The following EFCAB3 variants were observed in gnomAD, a reference collection of about 807,000 sequenced individuals.
The protein encoded by EFCAB3 is EF-hand calcium-binding domain-containing protein 3.
EFCAB3 carries 36 observed loss-of-function variants against 42.2 expected under a neutral mutation model. The observed-to-expected ratio is 0.85, with a 90% CI of 0.65 to 1.13. The LOEUF (loss-of-function observed/expected upper bound fraction) is 1.13, where lower values mean the gene tolerates loss of function less well. Among genes scored for constraint, EFCAB3 ranks in the 50% most tolerant of loss-of-function variants. The pLI is 0.00. For synonymous variants in EFCAB3, 170 were observed against 172.8 expected (o/e 0.98, Z 0.13); for missense variants, 418 against 505.1 (o/e 0.83, Z 1.65).
At chr17:62,371,291 A>T (rs1235206071) in intron 1 of EFCAB3, among the ~76,000 whole-genome samples, 1 of 152,130 alleles carries the variant, frequency 6.6e-6, no homozygotes, top group African/African-American at 2.4e-5. Context: ...GCGGTGGCTC[A>T]CACCCGTAAT....
intron 8 of EFCAB3, among the ~76,000 whole-genome samples, chr17:62,408,278 A>G (rs1388428948): frequency 6.6e-6 from 1 of 152,190 alleles, no homozygotes; most frequent in South Asian, 2.1e-4. Flanking sequence ...CAAATACTTT[A>G]TTTCCTGAGA....
At chr17:62,388,666 C>T (rs890169536) in intron 3 of EFCAB3, among the ~76,000 whole-genome samples, 1 of 152,188 alleles carries the variant, frequency 6.6e-6, no homozygotes. Context: ...GATAGCAAAA[C>T]ATCAAATATG....
At chr17:62,394,108 C>A (rs2070328551) in intron 5 of EFCAB3, among the ~76,000 whole-genome samples, 1 of 152,120 alleles carries the variant, frequency 6.6e-6, no homozygotes, top group African/African-American at 2.4e-5. Flanking sequence ...CGCCCGCCAC[C>A]ATGCCCGGCT....
intron 9 of EFCAB3, among the ~76,000 whole-genome samples, chr17:62,414,941 T>C (rs2070532160): frequency 6.6e-6 from 1 of 151,770 alleles, no homozygotes; most frequent in South Asian, 2.1e-4. Context: ...CCGTCTCTAC[T>C]AAAAATACAA....
intron 6 of EFCAB3, among the ~76,000 whole-genome samples, chr17:62,401,996 G>A (rs1449783827): frequency 6.6e-6 from 1 of 152,076 alleles, no homozygotes; most frequent in Non-Finnish European, 1.5e-5. Flanking sequence ...CCTTGAAGAG[G>A]TCCTTCACAT....
chr17:62,372,773 C>T (rs2070123138), intron 1 of EFCAB3, among the ~76,000 whole-genome samples: 1 of 152,182 alleles, frequency 6.6e-6, no homozygotes, highest in South Asian at 2.1e-4. Context: ...ACCTTCATGA[C>T]TCTTTCCTAT....
At chr17:62,388,008 G>C (rs966895466) in intron 3 of EFCAB3, among the ~76,000 whole-genome samples, 1 of 152,082 alleles carries the variant, frequency 6.6e-6, no homozygotes, top group South Asian at 2.1e-4. Context: ...TCAGGAGTCC[G>C]AGACCAGCTT....
In EFCAB3 at chr17:62,416,044, T is replaced by C. The variant is rs1430673439; in HGVS notation, c.1032T>C (p.Leu344=). ...ATDTYNLGIA[L]EHRKEMLNLW... Reference sequence around the variant, plus strand: ...ATACCTATAATTTAGGAATTGCCCTTGAACACCGAAAAGAGATGCTAAACC... The same window carrying C: ...ATACCTATAATTTAGGAATTGCCCTCGAACACCGAAAAGAGATGCTAAACC... Residue 344 remains leucine (L), a synonymous_variant, in exon 10 of 10, where the codon CTT becomes CTC. Coordinates refer to ENST00000305286, the MANE Select transcript of EFCAB3 (RefSeq NM_173503.4). 1.2e-6 allele frequency: 2 copies of C among 1,613,746 alleles called. No individual in the cohort carries two copies. The highest frequency in any genetic ancestry group is 2.7e-5 in the African/African-American group (2 of 74,898).
chr17:62,393,186 C>T (rs12950962), intron 4 of EFCAB3, among the ~76,000 whole-genome samples: 45,619 of 152,012 alleles, frequency 0.3, 8,149 homozygotes, highest in Admixed American at 0.41. Context: ...TAATACTCAT[C>T]ATCCTTCAAT....
At chr17:62,378,094 GTTACT>G, upstream of EFCAB3, 1 of 1,225,120 alleles carries the variant, frequency 8.2e-7, no homozygotes, top group South Asian at 1.4e-5. Context: ...TAATACCTTA[GTTACT>G]TTCCCTAATT....
At chr17:62,372,059 T>C (rs906787869) in intron 1 of EFCAB3, among the ~76,000 whole-genome samples, 7 of 152,176 alleles carry the variant, frequency 4.6e-5, no homozygotes, top group African/African-American at 1.7e-4. Context: ...AATACAAGGA[T>C]GAAGAAAGGA....
Position 62,392,067 on chromosome 17 carries a change from C to T in EFCAB3, c.295+102C>T, listed in dbSNP as rs1043350504. 4.8e-5 allele frequency: 51 copies of T among 1,059,436 alleles called. No homozygotes were observed. The African/African-American group carries it at 7.9e-4, about 16-fold the overall frequency. The allele number at this position is 1,059,436 out of a possible 1,614,324, so 65.6% of individuals were successfully genotyped here. On this transcript the variant is annotated intron_variant, in intron 4 of 9. Coordinates refer to ENST00000305286, the MANE Select transcript of EFCAB3 (RefSeq NM_173503.4). ...AAACATGAGAAACAAATCTTATTTA[C>T]TTGCCCCCCCAAATATATATATATT...
At chr17:62,396,916 A>C (rs1022677051) in intron 6 of EFCAB3, among the ~76,000 whole-genome samples, 2 of 152,146 alleles carry the variant, frequency 1.3e-5, no homozygotes, top group African/African-American at 4.8e-5. Context: ...TTTAAAAAGA[A>C]TATACATATT....
At chr17:62,406,900 A>G (rs1176757722) in intron 7 of EFCAB3, 128 bp from the exon 8 acceptor site, 3 of 839,218 alleles carry the variant, frequency 3.6e-6, no homozygotes, top group African/African-American at 1.7e-5. Context: ...TGGGAGCAGG[A>G]GAGTGAAGAA....
At chr17:62,403,770 C>T (rs1023842136) in intron 6 of EFCAB3, among the ~76,000 whole-genome samples, 1 of 152,140 alleles carries the variant, frequency 6.6e-6, no homozygotes, top group Non-Finnish European at 1.5e-5. Context: ...ATTTCAGCTT[C>T]CTGGAGTAGC....
At chr17:62,387,462 A>G (rs2070263046) in intron 3 of EFCAB3, 46 bp downstream of exon 3, 1 of 1,474,792 alleles carries the variant, frequency 6.8e-7, no homozygotes, top group Non-Finnish European at 9.4e-7. Context: ...GCTCCTTAAT[A>G]TGTCTGATCC....
chr17:62,406,279 T>C (rs1214195316), intron 6 of EFCAB3, among the ~76,000 whole-genome samples: 2 of 152,122 alleles, frequency 1.3e-5, no homozygotes, highest in Non-Finnish European at 2.9e-5. Context: ...AATACAGATA[T>C]AAATAGTCAA....
intron 1 of EFCAB3, chr17:62,381,887 C>G (rs1435127185): frequency 7.3e-6 from 3 of 409,452 alleles, no homozygotes; most frequent in Non-Finnish European, 1.5e-5. Flanking sequence ...CTGTGGCTGT[C>G]TCTGCTGCCC....
chr17:62,393,347 C>A lies in EFCAB3; in HGVS notation c.296-226C>A, dbSNP rs532333244. ...GACTGCAATGGCTGGGTGCTCCTGG[C>A]TGGATGTTTACAACCACCGTTGCTT... On this transcript the variant is annotated intron_variant, in intron 4 of 9. Coordinates refer to ENST00000305286, the MANE Select transcript of EFCAB3 (RefSeq NM_173503.4). 2.1e-3 allele frequency among the ~76,000 whole-genome samples: 320 copies of A among 152,228 alleles called. 3 individuals are homozygous for A. Among genetic ancestry groups the A allele is most frequent in the Non-Finnish European group, 3.3e-3 (224 of 68,016 alleles).
Sources: allele counts gnomAD v4.1 joint callset (sites outside exome capture counted in the v4.1 genomes callset), GRCh38; gene constraint gnomAD v4.1.1; transcripts MANE v1.5; gene names NCBI Gene and HGNC (gene_info 2026-07-23, HGNC 2026-07-21).